Variants in BCL2L13 observed in about 807,000 individuals in gnomAD.
BCL2L13 encodes bcl-2-like protein 13.
A neutral mutation model predicts 25.8 loss-of-function variants in BCL2L13; 13 were observed. The observed-to-expected ratio is 0.50, with a 90% CI of 0.33 to 0.80. The LOEUF (loss-of-function observed/expected upper bound fraction) is 0.80, where lower values mean the gene tolerates loss of function less well. Among genes scored for constraint, BCL2L13 ranks in the 30% least tolerant of loss-of-function variants. The pLI is 0.02. For missense variants in BCL2L13, 504 were observed against 574.9 expected (o/e 0.88, Z 1.26); for synonymous variants, 244 against 230.3 (o/e 1.06, Z -0.54).
chr22:17,647,114 C>T (rs995641198), intron 1 of BCL2L13, among the ~76,000 whole-genome samples: 2 of 151,350 alleles, frequency 1.3e-5, no homozygotes, highest in Non-Finnish European at 2.9e-5. Flanking sequence ...GCTGGGACTA[C>T]AGGCACCTGC....
chr22:17,657,693 T>C (rs1455410084), intron 2 of BCL2L13, among the ~76,000 whole-genome samples: 1 of 151,608 alleles, frequency 6.6e-6, no homozygotes, highest in Non-Finnish European at 1.5e-5. Flanking sequence ...TTTTTTCGTA[T>C]TTTTAGTAGA....
intron 1 of BCL2L13, among the ~76,000 whole-genome samples, chr22:17,630,591 CTT>C (rs568905142): frequency 6.6e-5 from 8 of 120,530 alleles, no homozygotes; most frequent in Non-Finnish European, 8.7e-5. Flanking sequence ...TTTTTCTTTT[CTT>C]TTTTTTTTTT....
rs1259278744 is a variant in BCL2L13 at position 17,702,267 on chromosome 22, C to T, written c.481C>T (p.Arg161Ter). ...GATTTTGGTGCCTCTGGTTTTGCTACGACAAATGCTTTTGGAATTGACAAG... is the reference window on the plus strand; with the variant it reads ...GATTTTGGTGCCTCTGGTTTTGCTATGACAAATGCTTTTGGAATTGACAAG... ...NKILVPLVLL[R>*]QMLLELTRRG... is the part of the protein sequence containing the mutation. Residue 161 changes from arginine to a stop codon, truncating the protein, a stop_gained, in exon 6 of 7, where the codon CGA (arginine) becomes TGA (stop). Coordinates refer to ENST00000317582, the MANE Select transcript of BCL2L13 (RefSeq NM_015367.4). LOFTEE classifies it high-confidence loss of function. 3.7e-6 allele frequency: 6 copies of T among 1,607,028 alleles called. No individual in the cohort carries two copies. The highest frequency in any genetic ancestry group is 2.2e-5 in the East Asian group (1 of 44,474).
rs737993 is a variant in BCL2L13 at position 17,629,087 on chromosome 22, C to A, written c.-650+82C>A. ...GGCTTAGGGGTACATGATTGTTGGC[C>A]GGGCGTGGTGGCTCACGCCTGCAAT... On this transcript the variant is annotated intron_variant, in intron 1 of 6. Coordinates refer to the BCL2L13 transcript ENST00000399782. 11,950 of 158,326 alleles carry A rather than the reference C, an allele frequency of 0.075. 538 individuals carry two copies. Among genetic ancestry groups the A allele is most frequent in the African/African-American group, 0.12 (4,796 of 41,632 alleles). 9.8% of individuals were successfully genotyped at this position (158,326 alleles called of 1,614,324 possible). A position where few individuals can be genotyped will look rare whatever the true frequency, so the allele number is the denominator to read the frequency against.
At chr22:17,693,045 T>C (rs2060149398) in intron 4 of BCL2L13, among the ~76,000 whole-genome samples, 1 of 152,110 alleles carries the variant, frequency 6.6e-6, no homozygotes, top group African/African-American at 2.4e-5. Context: ...GTCAGAATCT[T>C]AACTTGAAAT....
intron 6 of BCL2L13, among the ~76,000 whole-genome samples, chr22:17,716,586 T>C (rs2060951340): frequency 6.6e-6 from 1 of 152,214 alleles, no homozygotes; most frequent in Non-Finnish European, 1.5e-5. Flanking sequence ...TCTAATGCCC[T>C]TCACTGTGCT....
At chr22:17,718,686 A>G (rs900482210) in intron 6 of BCL2L13, among the ~76,000 whole-genome samples, 2 of 152,224 alleles carry the variant, frequency 1.3e-5, no homozygotes, top group South Asian at 4.1e-4. Context: ...GAATGGCACT[A>G]ATGGCAGAGA....
intron 4 of BCL2L13, among the ~76,000 whole-genome samples, chr22:17,692,554 G>C (rs1389341310): frequency 1.3e-5 from 2 of 152,196 alleles, no homozygotes; most frequent in Non-Finnish European, 2.9e-5. Flanking sequence ...TTAGCCCAAG[G>C]CATCTGAAAA....
chr22:17,692,554 G>T (rs1389341310), intron 4 of BCL2L13, among the ~76,000 whole-genome samples: 1 of 152,196 alleles, frequency 6.6e-6, no homozygotes. Context: ...TTAGCCCAAG[G>T]CATCTGAAAA....
chr22:17,679,180 C>T (rs2059659166), intron 2 of BCL2L13, among the ~76,000 whole-genome samples: 1 of 151,788 alleles, frequency 6.6e-6, no homozygotes, highest in African/African-American at 2.4e-5. Context: ...GGCTAAAAAC[C>T]AAGCTGGGAT....
chr22:17,701,726 G>A (rs1054492505), intron 5 of BCL2L13, among the ~76,000 whole-genome samples: 1 of 152,028 alleles, frequency 6.6e-6, no homozygotes, highest in African/African-American at 2.4e-5. Flanking sequence ...AGGAGTTTGA[G>A]ACCAGCCTGG....
chr22:17,680,428 G>T (rs2146693225), intron 2 of BCL2L13, among the ~76,000 whole-genome samples: 1 of 143,128 alleles, frequency 7.0e-6, no homozygotes, highest in East Asian at 2.2e-4. Flanking sequence ...AGAATGGCAT[G>T]AACCTGGGAG....
intron 1 of BCL2L13, among the ~76,000 whole-genome samples, chr22:17,650,683 C>T (rs1320650355): frequency 1.3e-5 from 2 of 152,078 alleles, no homozygotes. Flanking sequence ...TGACACACCC[C>T]TCCCATTGAA....
intron 4 of BCL2L13, among the ~76,000 whole-genome samples, chr22:17,691,421 C>T (rs1015291381): frequency 1.3e-5 from 2 of 152,096 alleles, no homozygotes; most frequent in East Asian, 1.9e-4. Context: ...CCGAGGCGGG[C>T]GTATCACGAG....
chr22:17,642,920 T>C (rs536803593), intron 1 of BCL2L13, among the ~76,000 whole-genome samples: 3 of 152,108 alleles, frequency 2.0e-5, no homozygotes, highest in African/African-American at 7.2e-5. Flanking sequence ...TGAGCATTCA[T>C]GTGCAAATTT....
intron 1 of BCL2L13, 117 bp downstream of exon 1, chr22:17,639,003 CGT>C (rs1983343738): frequency 1.2e-6 from 1 of 844,306 alleles, no homozygotes; most frequent in Admixed American, 4.3e-5. Context: ...TCCGACGACG[CGT>C]GAGTTTGAGT....
chr22:17,631,664 GTGTGTGTATA>G lies in BCL2L13; in HGVS notation c.-650+2661_-650+2670del, dbSNP rs1389572968. Among the ~76,000 whole-genome samples, 256 of 26,856 alleles carry G rather than the reference GTGTGTGTATA, an allele frequency of 9.5e-3. 14 individuals are homozygous for G. The highest frequency in any genetic ancestry group is 0.018 in the South Asian group (13 of 714). The allele number at this position is 26,856 out of a possible 152,430, so 17.6% of individuals were successfully genotyped here. A position where few individuals can be genotyped will look rare whatever the true frequency, so the allele number is the denominator to read the frequency against. Reference sequence around the variant, plus strand: ...ATGGTACGTGTGTGTATGTATGTGTGTGTGTGTATATATATATATATATATATATATATAT... The same window carrying G: ...ATGGTACGTGTGTGTATGTATGTGTGTATATATATATATATATATATATAT... On this transcript the variant is annotated intron_variant, in intron 1 of 6. Transcript: ENST00000399782.
chr22:17,689,865 A>G (rs2060055081), intron 4 of BCL2L13, among the ~76,000 whole-genome samples: 1 of 151,444 alleles, frequency 6.6e-6, no homozygotes, highest in South Asian at 2.1e-4. Flanking sequence ...AAAAAACCCA[A>G]AAAACCGTTA....
rs550402035 is a variant in BCL2L13, at chr22:17,728,325, T to G, written c.*791T>G. On this transcript the variant is annotated 3_prime_UTR_variant, in exon 7 of 7. Transcript: ENST00000317582. ...GCTGCCTTTGGGAATCTTCGAAATA[T>G]GTACACAGAGAAAATCACATGAAGG... 1.3e-5 allele frequency: 2 copies of G among 152,182 alleles called. No homozygotes were observed. The highest frequency in any genetic ancestry group is 4.8e-5 in the African/African-American group (2 of 41,438). 9.4% of individuals were successfully genotyped at this position (152,182 alleles called of 1,614,324 possible).
Sources: gnomAD v4.1 joint callset for allele counts (sites outside exome capture counted in the v4.1 genomes callset) on GRCh38, gnomAD v4.1.1 for gene constraint, MANE v1.5 for transcripts, NCBI Gene and HGNC (gene_info 2026-07-23, HGNC 2026-07-21) for gene names.